MUC4: variants seen among roughly 807,000 people sequenced by gnomAD.
MUC4 encodes mucin-4.
In MUC4, 202 loss-of-function variants were observed where a neutral mutation model predicts 257.9. The ratio of observed to expected loss-of-function variants is 0.78; its 90% CI spans 0.70 to 0.88. The LOEUF (loss-of-function observed/expected upper bound fraction) is 0.88. Among genes scored for constraint, MUC4 ranks in the 40% least tolerant of loss-of-function variants. The pLI, the probability that MUC4 is intolerant of heterozygous loss-of-function variation, is 0.00. For synonymous variants in MUC4, 2,351 were observed against 2,757.1 expected (o/e 0.85, Z 4.62); for missense variants, 5,976 against 6,513.7 (o/e 0.92, Z 2.84).
Position 195,790,033 on chromosome 3 carries a change from A to G in MUC4, c.1547T>C (p.Leu516Pro). Residue 516 changes from leucine (L) to proline (P), a missense_variant, in exon 2 of 25, where the codon CTT becomes CCT. Physicochemically the swap from Leu to Pro is moderately conservative, Grantham distance 98. Around this residue, in one of 44 missense-constraint regions of MUC4, gnomAD observed 1,583 missense variants for 1,257.4 expected, o/e 1.26. Transcript: ENST00000463781. ...CCCTGTAGATGGATTTCCTGTGACAAGCCTAGTGGCAGCACCTGTTGATGT... is the reference window on the plus strand; with the variant it reads ...CCCTGTAGATGGATTTCCTGTGACAGGCCTAGTGGCAGCACCTGTTGATGT... ...PSTSTGAATR[L>P]VTGNPSTGTA... is the part of the protein sequence containing the mutation. The G allele has an allele frequency of 6.2e-7, 1 of 1,614,008 alleles. No homozygotes were observed. The highest frequency in any genetic ancestry group is 8.5e-7 in the Non-Finnish European group (1 of 1,179,894).
At position 195,781,824 on chromosome 3, in the gene MUC4, G is replaced by A. The variant is rs1296392239; in HGVS notation, c.9756C>T (p.Thr3252=). 100 of 1,002,156 alleles carry A rather than the reference G, an allele frequency of 1.0e-4. 3 individuals are homozygous for A. The highest frequency in any genetic ancestry group is 2.5e-4 in the African/African-American group (12 of 48,196). The allele number at this position is 1,002,156 out of a possible 1,614,324, so 62.1% of individuals were successfully genotyped here. Residue 3252 remains threonine, a synonymous_variant, in exon 2 of 25, where the codon ACC becomes ACT. Transcript: ENST00000463781. ...STGHATSLPV[T]DTSSASTGDT... is the part of the protein sequence containing the mutation. Reference sequence around the variant, plus strand: ...CACCTGTGGATGCTGAGGAAGTGTCGGTGACAGGAAGAGAGGTGGCATGAC... The same window carrying A: ...CACCTGTGGATGCTGAGGAAGTGTCAGTGACAGGAAGAGAGGTGGCATGAC...
chr3:195,789,945 G>A lies in MUC4; in HGVS notation c.1635C>T (p.Pro545=), dbSNP rs540670740. 5 of 1,613,932 alleles carry A rather than the reference G, an allele frequency of 3.1e-6. No individual in the cohort carries two copies. The highest frequency in any genetic ancestry group is 1.7e-5 in the Admixed American group (1 of 60,024). ...TTGTGCTGTGGGAGGAGTATGTGGT[G>A]GGCTCTCCTGGTTCCCCTATTGCTG... The part of the protein sequence containing the change: ...KVSAIGEPGE[P]TTYSSHSTTL... Residue 545 remains proline, a synonymous_variant, in exon 2 of 25, where the codon CCC becomes CCT. Transcript: ENST00000463781.
In MUC4 at chr3:195,783,453, G is replaced by C. The variant is rs1560344178; in HGVS notation, c.8127C>G (p.Asp2709Glu). The change falls in exon 2 of 25, where the codon GAC becomes GAG. Residue 2709 changes from aspartate (D) to glutamate (E), a missense_variant. By Grantham distance (45) the Asp-to-Glu change is conservative. This residue lies in a region of MUC4 where 75 missense variants were observed against 58.7 expected (regional missense o/e 1.28). Transcript: ENST00000463781. ...TGTCACCTGTGTATGCTGAGGAAGT[G>C]TCGGTGACAGGAAGAGAGGTGGTGT... Reference protein sequence around the residue: ...TGDTTSLPVTDTSSAYTGDTT... With the variant: ...TGDTTSLPVTETSSAYTGDTT... The C allele has an allele frequency of 5.2e-6, 5 of 963,100 alleles. 1 individual carries two copies. The highest frequency in any genetic ancestry group is 4.9e-5 in the African/African-American group (1 of 20,438). 59.7% of individuals were successfully genotyped at this position (963,100 alleles called of 1,614,324 possible).
At chr3:195,772,671 C>A (rs1282650915) in intron 4 of MUC4, among the ~76,000 whole-genome samples, 1 of 146,558 alleles carries the variant, frequency 6.8e-6, no homozygotes, top group Non-Finnish European at 1.5e-5. Context: ...GGTGTGGACA[C>A]CCTCTCTCCA....
At chr3:195,756,144 T>A (rs1259887981) in intron 18 of MUC4, among the ~76,000 whole-genome samples, 2 of 152,116 alleles carry the variant, frequency 1.3e-5, no homozygotes, top group Non-Finnish European at 2.9e-5. Context: ...GCAGCTCTCT[T>A]CCCAGCACCG....
In MUC4 at chr3:195,788,955, G is replaced by T; in HGVS notation, c.2625C>A (p.Thr875=). 1.2e-6 allele frequency: 2 copies of T among 1,613,632 alleles called. No homozygotes were observed. Among genetic ancestry groups the T allele is most frequent in the Non-Finnish European group, 1.7e-6 (2 of 1,179,752 alleles). Residue 875 remains threonine (T), a synonymous_variant, in exon 2 of 25, where the codon ACC becomes ACA. Coordinates refer to ENST00000463781, the MANE Select transcript of MUC4 (RefSeq NM_018406.7). ...TCCCTGCAGTGGAGGCCTCAGAGAG[G>T]GTGGGATGAAAGGTGCCGGGGACGA... is the stretch of plus-strand genomic sequence containing the variant. ...SSIVPGTFHP[T]LSEASTAGRP... is the part of the protein sequence containing the mutation.
rs1335972749 is a variant in MUC4 at position 195,771,668 on chromosome 3, C to A, written c.13226G>T (p.Gly4409Val). 1 of 1,613,652 alleles carries A rather than the reference C, an allele frequency of 6.2e-7. No individual in the cohort carries two copies. Among genetic ancestry groups the A allele is most frequent in the African/African-American group, 1.3e-5 (1 of 74,884 alleles). Residue 4409 changes from glycine (G) to valine (V), a missense_variant, in exon 5 of 25, where the codon GGG becomes GTG. This residue lies in a region of MUC4 where 996 missense variants were observed against 1,137.3 expected (regional missense o/e 0.88). Transcript: ENST00000463781. ...WDDADFSTGR[G>V]TTFYQEYETF... The stretch of plus-strand genomic sequence containing the variant: ...AAGGCTCACCTGATAAAATGTGGTC[C>A]CCCGACCAGTGGAGAAGTCAGCATC...
At chr3:195,792,573 C>T (rs1344482994) in intron 1 of MUC4, among the ~76,000 whole-genome samples, 4 of 152,138 alleles carry the variant, frequency 2.6e-5, no homozygotes, top group Non-Finnish European at 4.4e-5. Flanking sequence ...GACAGTGTGG[C>T]GATTCCTCAA....
At chr3:195,775,355 C>A (rs966232995) in intron 3 of MUC4, among the ~76,000 whole-genome samples, 1 of 151,912 alleles carries the variant, frequency 6.6e-6, no homozygotes. Flanking sequence ...ACCGGGACGA[C>A]TTTCTGCAGC....
In MUC4 at chr3:195,795,634, C is replaced by T. The variant is rs55729825; in HGVS notation, c.83-4137G>A. 6.6e-3 allele frequency among the ~76,000 whole-genome samples: 1,002 copies of T among 151,994 alleles called. 8 individuals carry two copies. The highest frequency in any genetic ancestry group is 0.023 in the African/African-American group (957 of 41,418). ...AAGGAAGCAAGACCCTCGGTCACGACACTGAACTGAGTTTCCCTGCAAAAA... is the reference window on the plus strand; with the variant it reads ...AAGGAAGCAAGACCCTCGGTCACGATACTGAACTGAGTTTCCCTGCAAAAA... On this transcript the variant is annotated intron_variant, in intron 1 of 24. Coordinates refer to ENST00000463781, the MANE Select transcript of MUC4 (RefSeq NM_018406.7).
chr3:195,775,207 C>T (rs994328909), intron 3 of MUC4, among the ~76,000 whole-genome samples: 5 of 152,102 alleles, frequency 3.3e-5, no homozygotes, highest in Admixed American at 3.3e-4. Flanking sequence ...TTGTTAAATG[C>T]CATTTGTACA....
chr3:195,775,907 A>T (rs867914137), intron 3 of MUC4, among the ~76,000 whole-genome samples: 27 of 100,712 alleles, frequency 2.7e-4, no homozygotes, highest in African/African-American at 8.5e-4. Flanking sequence ...TTCCACACCC[A>T]TACCTTCCAC....
At position 195,779,456 on chromosome 3, in the gene MUC4, A is replaced by G. The variant is rs1726139818; in HGVS notation, c.12124T>C (p.Ser4042Pro). The change falls in exon 2 of 25, where the codon TCC (serine) becomes CCC (proline). Residue 4042 changes from serine (S) to proline (P), a missense_variant. Coordinates refer to ENST00000463781, the MANE Select transcript of MUC4 (RefSeq NM_018406.7). ...GGAAGAGGGGTGGTGTCACCTGTGG[A>G]TGCTGAGGAAGTGCTGGTGACAGGA... ...PVPVTSTSSA[S>P]TGDTTPLPVT... is the part of the protein sequence containing the mutation. 4 of 1,261,684 alleles carry G rather than the reference A, an allele frequency of 3.2e-6. 1 individual carries two copies. The highest frequency in any genetic ancestry group is 4.3e-6 in the Non-Finnish European group (4 of 936,756). 78.2% of individuals were successfully genotyped at this position (1,261,684 alleles called of 1,614,324 possible).
rs774360941 is a variant in MUC4, at chr3:195,783,889, G to A, written c.7691C>T (p.Thr2564Ile). The A allele has an allele frequency of 2.6e-6, 4 of 1,510,348 alleles. No individual in the cohort carries two copies. The South Asian group carries it at 3.6e-5, about 14-fold the overall frequency. 93.6% of individuals were successfully genotyped at this position (1,510,348 alleles called of 1,614,324 possible). A position where few individuals can be genotyped will look rare whatever the true frequency, so the allele number is the denominator to read the frequency against. Residue 2564 changes from threonine (T) to isoleucine (I), a missense_variant, in exon 2 of 25, where the codon ACC becomes ATC. Transcript: ENST00000463781. ...ACCTGTGGATGCTGCGGAAGTGTCG[G>A]TGACAGGAAGAGAGGTGGCGTGACC... Reference protein sequence around the residue: ...STGHATSLPVTDTSAASTGHA... With the variant: ...STGHATSLPVIDTSAASTGHA...
Position 195,791,025 on chromosome 3 carries a change from C to T in MUC4, c.555G>A (p.Arg185=). The T allele has an allele frequency of 6.2e-7, 1 of 1,613,766 alleles. No individual in the cohort carries two copies. Among genetic ancestry groups the T allele is most frequent in the Non-Finnish European group, 8.5e-7 (1 of 1,179,860 alleles). The part of the protein sequence containing the change: ...QEGQSRTTSW[R]TSIQDTSASS... ...AAGCTGATGTGTCTTGGATAGAGGT[C>T]CTCCAGGAAGTTGTTCGTGATTGTC... Residue 185 remains arginine, a synonymous_variant, in exon 2 of 25, where the codon AGG becomes AGA. Coordinates refer to ENST00000463781, the MANE Select transcript of MUC4 (RefSeq NM_018406.7).
rs1382238469 is a variant in MUC4, at chr3:195,759,204, G to T, written c.14906C>A (p.Thr4969Asn). 6.2e-6 allele frequency: 10 copies of T among 1,614,054 alleles called. No homozygotes were observed. In the South Asian group the frequency reaches 9.9e-5, roughly 16 times the overall value. Residue 4969 changes from threonine (T) to asparagine (N), a missense_variant, in exon 17 of 25, where the codon ACC (threonine) becomes AAC (asparagine). Coordinates refer to ENST00000463781, the MANE Select transcript of MUC4 (RefSeq NM_018406.7). Reference protein sequence around the residue: ...GRVIEAYKGQTTLIQYTSNAE... With the variant: ...GRVIEAYKGQNTLIQYTSNAE... ...ATTGCTGGTGTACTGAATCAGCGTG[G>T]TCTGCCCCTTGTAGGCTTCAATCAC...
chr3:195,751,676 G>A (rs1716476426), intron 21 of MUC4: 1 of 308,228 alleles, frequency 3.2e-6, no homozygotes, highest in Non-Finnish European at 6.1e-6. Context: ...AACTCAAAGA[G>A]TGCATTGTCT....
At chr3:195,764,193 G>A in intron 10 of MUC4, 29 bp from the exon 11 acceptor site, 1 of 1,552,406 alleles carries the variant, frequency 6.4e-7, no homozygotes, top group Non-Finnish European at 8.7e-7. Flanking sequence ...AGTCGGGGAG[G>A]TTGAGGACCT....
Position 195,790,902 on chromosome 3 carries a change from T to A in MUC4, c.678A>T (p.Pro226=). The A allele has an allele frequency of 6.2e-7, 1 of 1,614,002 alleles. No homozygotes were observed. The highest frequency in any genetic ancestry group is 8.5e-7 in the Non-Finnish European group (1 of 1,179,886). Residue 226 remains proline, a synonymous_variant, in exon 2 of 25, where the codon CCA becomes CCT. Coordinates refer to ENST00000463781, the MANE Select transcript of MUC4 (RefSeq NM_018406.7). ...CAGTCCCTGTCACATTGTGTACACT[T>A]GGAGAGAAAGAAGGAGTTGAAGTGG... The part of the protein sequence containing the change: ...HRTTSTPSFS[P]SVHNVTGTVS...
Sources: allele counts gnomAD v4.1 joint callset (sites outside exome capture counted in the v4.1 genomes callset), GRCh38; gene constraint gnomAD v4.1.1; regional missense constraint gnomAD v4.1.1; transcripts MANE v1.5; gene names NCBI Gene and HGNC (gene_info 2026-07-23, HGNC 2026-07-21).